The following SMYD3 variants were observed in gnomAD, a reference collection of about 807,000 sequenced individuals.
SMYD3 encodes the protein SET and MYND domain containing 3.
SMYD3 carries 36 observed loss-of-function variants against 57.7 expected under a neutral mutation model. The ratio of observed to expected loss-of-function variants is 0.62; its 90% CI spans 0.48 to 0.82. The LOEUF is 0.82. Among genes scored for constraint, SMYD3 ranks in the 40% least tolerant of loss-of-function variants. The probability of loss-of-function intolerance (pLI) is 0.00; values close to 1 mark genes in which losing one functional copy is unlikely to be tolerated. For missense variants in SMYD3, 515 were observed against 538.8 expected, an observed-to-expected ratio of 0.96 and a Z score of 0.44; for synonymous variants, 211 against 195.0, an observed-to-expected ratio of 1.08 and a Z score of -0.68.
chr1:246,474,989 A>G (rs2068009297), intron 1 of SMYD3, among the ~76,000 whole-genome samples: 1 of 152,178 alleles, frequency 6.6e-6, no homozygotes, highest in South Asian at 2.1e-4. Flanking sequence ...CAAATCCCCA[A>G]CTACAACCTC....
At chr1:245,897,358 C>T (rs907617912) in intron 8 of SMYD3, among the ~76,000 whole-genome samples, 12 of 152,174 alleles carry the variant, frequency 7.9e-5, no homozygotes, top group Admixed American at 5.9e-4. Flanking sequence ...TTGTTTTCAA[C>T]TGTGTTAGAG....
At chr1:245,834,996 C>T (rs1031535962) in intron 10 of SMYD3, among the ~76,000 whole-genome samples, 10 of 152,116 alleles carry the variant, frequency 6.6e-5, no homozygotes, top group African/African-American at 2.2e-4. Context: ...TACATAAGGG[C>T]AACTATTCCT....
intron 5 of SMYD3, among the ~76,000 whole-genome samples, chr1:246,058,945 G>A (rs371533137): frequency 1.3e-4 from 19 of 149,746 alleles, no homozygotes; most frequent in East Asian, 5.9e-4. Flanking sequence ...CATGATCTCC[G>A]CTCACTGCCA....
At chr1:246,475,923 ACT>A (rs2068025327) in intron 1 of SMYD3, among the ~76,000 whole-genome samples, 1 of 152,174 alleles carries the variant, frequency 6.6e-6, no homozygotes, top group Non-Finnish European at 1.5e-5. Context: ...CCAAGTTTTT[ACT>A]TTGAAGCAAT....
intron 5 of SMYD3, among the ~76,000 whole-genome samples, chr1:245,969,807 T>C (rs1009071137): frequency 2.2e-4 from 33 of 152,262 alleles, no homozygotes; most frequent in Non-Finnish European, 3.4e-4. Context: ...AGAATGCTAT[T>C]AGCATTAGTG....
intron 10 of SMYD3, among the ~76,000 whole-genome samples, chr1:245,780,259 G>T (rs1282049851): frequency 6.6e-6 from 1 of 152,088 alleles, no homozygotes; most frequent in East Asian, 1.9e-4. Context: ...TAATGGCCCA[G>T]AAATGGAAAC....
intron 8 of SMYD3, among the ~76,000 whole-genome samples, chr1:245,891,349 C>T (rs534615038): frequency 4.6e-5 from 7 of 152,296 alleles, no homozygotes; most frequent in Admixed American, 1.3e-4. Context: ...CATAAATATA[C>T]ACGCCTACTC....
intron 5 of SMYD3, among the ~76,000 whole-genome samples, chr1:246,012,007 C>T (rs1279470866): frequency 2.0e-5 from 3 of 152,172 alleles, no homozygotes; most frequent in East Asian, 1.9e-4. Context: ...ATACCAGCTA[C>T]CAATTGCTTG....
At chr1:245,964,259 C>G (rs1444173040) in intron 5 of SMYD3, among the ~76,000 whole-genome samples, 1 of 152,138 alleles carries the variant, frequency 6.6e-6, no homozygotes, top group Non-Finnish European at 1.5e-5. Context: ...AGGGGTCCAC[C>G]CCCATGATCC....
chr1:246,186,763 A>C (rs2062648296), intron 5 of SMYD3: 1 of 985,266 alleles, frequency 1.0e-6, no homozygotes, highest in Admixed American at 6.2e-5. Context: ...CCAGGGCAAA[A>C]GGTTCACAAC....
intron 5 of SMYD3, among the ~76,000 whole-genome samples, chr1:246,230,608 C>A (rs1473916104): frequency 6.6e-6 from 1 of 152,174 alleles, no homozygotes; most frequent in Non-Finnish European, 1.5e-5. Context: ...TACAGTCGCA[C>A]ACAGTCAGAA....
At chr1:246,025,594 C>T (rs1431840518) in intron 5 of SMYD3, among the ~76,000 whole-genome samples, 1 of 152,156 alleles carries the variant, frequency 6.6e-6, no homozygotes, top group Admixed American at 6.5e-5. Flanking sequence ...CTAGCCCACA[C>T]CAACCACAAA....
At chr1:246,170,406 C>T (rs544991808) in intron 5 of SMYD3, among the ~76,000 whole-genome samples, 1 of 131,054 alleles carries the variant, frequency 7.6e-6, no homozygotes, top group East Asian at 2.0e-4. Context: ...CTCCCACACT[C>T]ATTACTTTTT....
chr1:245,854,527 G>A (rs2051133847), intron 10 of SMYD3, among the ~76,000 whole-genome samples: 1 of 152,100 alleles, frequency 6.6e-6, no homozygotes, highest in Non-Finnish European at 1.5e-5. Flanking sequence ...AGCTAATCTA[G>A]ACAGATGTCT....
intron 1 of SMYD3, among the ~76,000 whole-genome samples, chr1:246,424,736 C>T (rs907410341): frequency 3.9e-5 from 6 of 152,172 alleles, no homozygotes; most frequent in Admixed American, 2.6e-4. Context: ...AACTACTAGA[C>T]ATCGCCAAAT....
rs148023478 is a variant in SMYD3, at chr1:246,059,430, T to G, written c.532-129493A>C. Among the ~76,000 whole-genome samples the G allele has an allele frequency of 1.1e-4, 17 of 152,296 alleles. No individual in the cohort carries two copies. In the East Asian group the frequency reaches 3.3e-3, roughly 29 times the overall value. On this transcript the variant is annotated intron_variant, in intron 5 of 11. Coordinates refer to ENST00000490107, the MANE Select transcript of SMYD3 (RefSeq NM_001167740.2). ...AGTTAAATCCATTGTTCTGAAAAAC[T>G]GAACAGAGATATGACCAACTGGAGG...
intron 8 of SMYD3, among the ~76,000 whole-genome samples, chr1:245,902,371 T>A (rs12567451): frequency 0.11 from 17,228 of 152,166 alleles, 1,052 homozygotes; most frequent in East Asian, 0.28. Flanking sequence ...CACACACCTG[T>A]ACATGCCTTC....
chr1:245,847,056 C>T (rs937447472), intron 10 of SMYD3, among the ~76,000 whole-genome samples: 9 of 152,196 alleles, frequency 5.9e-5, no homozygotes, highest in African/African-American at 2.2e-4. Flanking sequence ...GGCTGGCCAC[C>T]CTTGCTACTT....
rs868287560 is a variant in SMYD3, at chr1:246,085,641, T to C, written c.532-155704A>G. ...TCATCCCCCGCTTTGTCCTATCACATTTCTCTAAGACTCTCCACTCTTCAT... is the reference window on the plus strand; with the variant it reads ...TCATCCCCCGCTTTGTCCTATCACACTTCTCTAAGACTCTCCACTCTTCAT... On this transcript the variant is annotated intron_variant, in intron 5 of 11. Coordinates refer to ENST00000490107, the MANE Select transcript of SMYD3 (RefSeq NM_001167740.2). Among the ~76,000 whole-genome samples the C allele has an allele frequency of 2.6e-5, 4 of 152,270 alleles. 1 individual carries two copies. The highest frequency in any genetic ancestry group is 6.8e-3 in the Middle Eastern group (2 of 294).
Sources: gnomAD v4.1 joint callset for allele counts (sites outside exome capture counted in the v4.1 genomes callset) on GRCh38, gnomAD v4.1.1 for gene constraint, MANE v1.5 for transcripts, NCBI Gene and HGNC (gene_info 2026-07-23, HGNC 2026-07-21) for gene names.